PTPRR: variants seen among roughly 807,000 people sequenced by gnomAD.
The protein encoded by PTPRR is protein tyrosine phosphatase receptor type R, also known as receptor-type tyrosine-protein phosphatase R.
PTPRR carries 38 observed loss-of-function variants against 77.2 expected under a neutral mutation model. The ratio of observed to expected loss-of-function variants is 0.49; its 90% CI spans 0.38 to 0.65. PTPRR has a LOEUF of 0.65. Among genes scored for constraint, PTPRR ranks in the 30% least tolerant of loss-of-function variants. The probability of loss-of-function intolerance (pLI) is 0.00; values close to 1 mark genes in which losing one functional copy is unlikely to be tolerated. For synonymous variants in PTPRR, 299 were observed against 283.1 expected, an observed-to-expected ratio of 1.06 and a Z score of -0.57; for missense variants, 744 against 799.2, an observed-to-expected ratio of 0.93 and a Z score of 0.83.
intron 10 of PTPRR, chr12:70,672,373 G>C (rs1887263767): frequency 7.5e-7 from 1 of 1,332,210 alleles, no homozygotes; most frequent in African/African-American, 1.4e-5. Context: ...TCCCATCAGA[G>C]AGCCAGGAGG....
chr12:70,694,822 T>A (rs1888174990), intron 8 of PTPRR, among the ~76,000 whole-genome samples: 1 of 152,176 alleles, frequency 6.6e-6, no homozygotes, highest in South Asian at 2.1e-4. Flanking sequence ...ATAAAAAATT[T>A]AAACTTATTA....
At chr12:70,681,982 GA>G (rs1887680226) in intron 10 of PTPRR, among the ~76,000 whole-genome samples, 1 of 149,454 alleles carries the variant, frequency 6.7e-6, no homozygotes, top group Admixed American at 6.7e-5. Flanking sequence ...AGACTTAGGC[GA>G]ATTTCTTAGC....
chr12:70,690,889 T>C (rs1207118941), intron 8 of PTPRR, among the ~76,000 whole-genome samples: 3 of 152,204 alleles, frequency 2.0e-5, no homozygotes, highest in Non-Finnish European at 1.5e-5. Flanking sequence ...TTATGATTTC[T>C]TTGACCTGGT....
chr12:70,868,880 T>C (rs959015319), intron 2 of PTPRR, among the ~76,000 whole-genome samples: 2 of 151,822 alleles, frequency 1.3e-5, no homozygotes, highest in Admixed American at 6.6e-5. Flanking sequence ...TCATGTCCTT[T>C]GTAGGGACAT....
intron 10 of PTPRR, among the ~76,000 whole-genome samples, chr12:70,665,861 A>G (rs1886974554): frequency 6.6e-6 from 1 of 152,076 alleles, no homozygotes; most frequent in Non-Finnish European, 1.5e-5. Flanking sequence ...ATATTGCTCT[A>G]TAAGCTAAAG....
At chr12:70,824,157 C>G (rs1016028840) in intron 2 of PTPRR, among the ~76,000 whole-genome samples, 1 of 152,174 alleles carries the variant, frequency 6.6e-6, no homozygotes, top group Non-Finnish European at 1.5e-5. Flanking sequence ...CTTGGAACAT[C>G]GCTTAGTCCT....
chr12:70,795,605 T>C (rs1223627984), intron 2 of PTPRR, among the ~76,000 whole-genome samples: 3 of 152,214 alleles, frequency 2.0e-5, no homozygotes, highest in Non-Finnish European at 2.9e-5. Context: ...TGTATAAATA[T>C]CATTTCTATT....
chr12:70,672,451 A>G (rs1189124331), intron 10 of PTPRR: 1 of 1,083,360 alleles, frequency 9.2e-7, no homozygotes, highest in African/African-American at 1.5e-5. Context: ...CACAGATGCC[A>G]TGGCCCATGT....
At chr12:70,687,940 T>C (rs1887928099) in intron 8 of PTPRR, among the ~76,000 whole-genome samples, 1 of 152,176 alleles carries the variant, frequency 6.6e-6, no homozygotes, top group Non-Finnish European at 1.5e-5. Flanking sequence ...ATGTAGACCC[T>C]ATGGAGATGG....
intron 6 of PTPRR, among the ~76,000 whole-genome samples, chr12:70,733,444 AAGAAAG>A (rs1889741268): frequency 1.1e-5 from 1 of 91,592 alleles, no homozygotes; most frequent in Non-Finnish European, 2.2e-5. Context: ...AAAAAAAAAA[AAGAAAG>A]AAAAAAAGAA....
chr12:70,804,247 A>C (rs1403584157), intron 2 of PTPRR, among the ~76,000 whole-genome samples: 2 of 150,586 alleles, frequency 1.3e-5, no homozygotes, highest in Non-Finnish European at 2.9e-5. Context: ...TTAGCTGGCT[A>C]TTTTCTTTAC....
intron 2 of PTPRR, among the ~76,000 whole-genome samples, chr12:70,849,282 G>A (rs1182705596): frequency 6.6e-6 from 1 of 152,162 alleles, no homozygotes; most frequent in Non-Finnish European, 1.5e-5. Context: ...CTGACCAGAA[G>A]TAGACTGGCT....
intron 10 of PTPRR, chr12:70,672,188 C>T: frequency 6.4e-7 from 1 of 1,556,200 alleles, no homozygotes; most frequent in South Asian, 1.1e-5. Flanking sequence ...GTTGCCAGTC[C>T]TACCATGGTT....
At chr12:70,863,595 T>C (rs770197664) in intron 2 of PTPRR, among the ~76,000 whole-genome samples, 14 of 152,228 alleles carry the variant, frequency 9.2e-5, no homozygotes, top group Non-Finnish European at 1.8e-4. Flanking sequence ...AGCTGATTCC[T>C]AAAATGGTCA....
intron 2 of PTPRR, among the ~76,000 whole-genome samples, chr12:70,829,359 C>T (rs1367853808): frequency 1.3e-5 from 2 of 152,148 alleles, no homozygotes; most frequent in African/African-American, 4.8e-5. Context: ...GAAGGACATT[C>T]TTACTGACCC....
At chr12:70,746,185 G>T in intron 5 of PTPRR, 99 bp from the exon 6 acceptor site, 2 of 1,149,720 alleles carry the variant, frequency 1.7e-6, no homozygotes, top group Non-Finnish European at 2.4e-6. Flanking sequence ...CAAAATAAAG[G>T]CTTAACGATA....
At chr12:70,766,384 T>A (rs1173593969) in intron 2 of PTPRR, among the ~76,000 whole-genome samples, 3 of 151,964 alleles carry the variant, frequency 2.0e-5, no homozygotes, top group African/African-American at 4.8e-5. Context: ...CCTCAGGAGC[T>A]GATGCAATCA....
intron 2 of PTPRR, among the ~76,000 whole-genome samples, chr12:70,821,876 G>A (rs1160401048): frequency 6.6e-6 from 1 of 151,952 alleles, no homozygotes; most frequent in Non-Finnish European, 1.5e-5. Flanking sequence ...GTGTTAGCCA[G>A]GATGGTCTTG....
intron 10 of PTPRR, chr12:70,673,047 A>C: frequency 1.3e-6 from 1 of 749,928 alleles, no homozygotes; most frequent in Non-Finnish European, 1.6e-6. Context: ...AAAAAAAAAA[A>C]AAGAAAGAAA....
Sources: gnomAD v4.1 joint callset for allele counts (sites outside exome capture counted in the v4.1 genomes callset) on GRCh38, gnomAD v4.1.1 for gene constraint, MANE v1.5 for transcripts, NCBI Gene and HGNC (gene_info 2026-07-23, HGNC 2026-07-21) for gene names.